The following SLIT3 variants were observed in gnomAD, a reference collection of about 807,000 sequenced individuals.
SLIT3 encodes slit homolog 3 protein.
A neutral mutation model predicts 184.0 loss-of-function variants in SLIT3; 68 were observed. The observed-to-expected ratio is 0.37, with a 90% CI of 0.30 to 0.45. SLIT3 has a LOEUF of 0.45. Ranked by LOEUF, SLIT3 falls within the 20% of genes least tolerant of loss-of-function variation. The pLI is 1.00. For missense variants in SLIT3, 1,707 were observed against 2,026.0 expected, an observed-to-expected ratio of 0.84 and a Z score of 3.02; for synonymous variants, 831 against 828.6, an observed-to-expected ratio of 1.00 and a Z score of -0.05.
chr5:169,038,776 T>TA (rs200571941), intron 4 of SLIT3, among the ~76,000 whole-genome samples: 1 of 151,962 alleles, frequency 6.6e-6, no homozygotes, highest in African/African-American at 2.4e-5. Flanking sequence ...GGCACCACAT[T>TA]GTTCAGTGGT....
At chr5:169,282,022 C>T (rs1767014386) in intron 1 of SLIT3, among the ~76,000 whole-genome samples, 2 of 152,146 alleles carry the variant, frequency 1.3e-5, no homozygotes, top group Non-Finnish European at 2.9e-5. Flanking sequence ...AATATCCAAC[C>T]CAACATGTCA....
At chr5:169,012,873 G>A (rs1235780655) in intron 4 of SLIT3, 1 of 152,228 alleles carries the variant, frequency 6.6e-6, no homozygotes, top group African/African-American at 2.4e-5. Context: ...CCTACTCACG[G>A]AGGAGCCTGG....
At chr5:169,139,582 GC>G (rs1406414894) in intron 4 of SLIT3, among the ~76,000 whole-genome samples, 2 of 152,126 alleles carry the variant, frequency 1.3e-5, no homozygotes, top group Non-Finnish European at 2.9e-5. Context: ...TCCAGCACTA[GC>G]CCACCCCCCC....
At chr5:169,192,994 A>G (rs1360703349) in intron 4 of SLIT3, among the ~76,000 whole-genome samples, 1 of 152,206 alleles carries the variant, frequency 6.6e-6, no homozygotes, top group African/African-American at 2.4e-5. Context: ...CCACAAAATC[A>G]TAAACCCCCA....
intron 1 of SLIT3, among the ~76,000 whole-genome samples, chr5:169,256,651 C>T (rs1383369391): frequency 6.6e-6 from 1 of 152,154 alleles, no homozygotes; most frequent in Non-Finnish European, 1.5e-5. Context: ...GAGAAAGCCA[C>T]CTTCTGAATA....
intron 1 of SLIT3, among the ~76,000 whole-genome samples, chr5:169,261,050 A>G (rs1337581596): frequency 6.6e-6 from 1 of 152,246 alleles, no homozygotes; most frequent in African/African-American, 2.4e-5. Context: ...CTGTGTGCCA[A>G]TAAAACTTTA....
At chr5:168,751,922 G>A (rs1754730262) in intron 18 of SLIT3, among the ~76,000 whole-genome samples, 1 of 152,098 alleles carries the variant, frequency 6.6e-6, no homozygotes, top group Non-Finnish European at 1.5e-5. Context: ...TGCATTTTTA[G>A]TAGAGATGGG....
At chr5:168,672,627 T>C (rs1299877039) in intron 33 of SLIT3, among the ~76,000 whole-genome samples, 1 of 152,072 alleles carries the variant, frequency 6.6e-6, no homozygotes, top group East Asian at 1.9e-4. Flanking sequence ...AGGTGCTCAC[T>C]ACTGTGCCCA....
intron 1 of SLIT3, among the ~76,000 whole-genome samples, chr5:169,259,750 G>C (rs1002779143): frequency 1.2e-4 from 18 of 152,136 alleles, no homozygotes; most frequent in Non-Finnish European, 2.2e-4. Flanking sequence ...ATGACCTATG[G>C]AGTCCTGTCA....
chr5:168,678,971 G>A (rs1034512643), intron 32 of SLIT3, among the ~76,000 whole-genome samples: 2 of 152,184 alleles, frequency 1.3e-5, no homozygotes, highest in African/African-American at 2.4e-5. Context: ...GAGAGCTCTG[G>A]AGTTGTCAGG....
intron 4 of SLIT3, among the ~76,000 whole-genome samples, chr5:168,983,474 G>T (rs1001962086): frequency 6.6e-6 from 1 of 152,210 alleles, no homozygotes; most frequent in Non-Finnish European, 1.5e-5. Context: ...GGACTTTGAT[G>T]TCTGGTTTCT....
chr5:169,120,330 C>T (rs1760832762), intron 4 of SLIT3: 1 of 152,142 alleles, frequency 6.6e-6, no homozygotes, highest in African/African-American at 2.4e-5. Context: ...TGATTTCTGT[C>T]TAGTGCCATC....
intron 4 of SLIT3, among the ~76,000 whole-genome samples, chr5:168,968,995 G>A (rs1430336099): frequency 6.6e-6 from 1 of 152,178 alleles, no homozygotes; most frequent in African/African-American, 2.4e-5. Context: ...GATAGGTGCA[G>A]TTTCCTCCAA....
chr5:169,239,030 T>C (rs1017548397), intron 3 of SLIT3, among the ~76,000 whole-genome samples: 5 of 152,158 alleles, frequency 3.3e-5, no homozygotes, highest in African/African-American at 7.2e-5. Context: ...CACAACAGTC[T>C]TGAAACCATC....
intron 2 of SLIT3, among the ~76,000 whole-genome samples, chr5:169,249,007 A>T (rs757072278): frequency 1.3e-5 from 2 of 152,206 alleles, no homozygotes; most frequent in African/African-American, 2.4e-5. Flanking sequence ...AGACTACTGA[A>T]TCTTTTCTAG....
chr5:169,022,567 T>G (rs1756642547), intron 4 of SLIT3, among the ~76,000 whole-genome samples: 1 of 152,230 alleles, frequency 6.6e-6, no homozygotes, highest in African/African-American at 2.4e-5. Context: ...GTATTTCCTA[T>G]GTTTGCCTTG....
intron 4 of SLIT3, among the ~76,000 whole-genome samples, chr5:169,146,684 T>G (rs1323425803): frequency 6.6e-6 from 1 of 152,158 alleles, no homozygotes; most frequent in Non-Finnish European, 1.5e-5. Flanking sequence ...ACACCCCCAG[T>G]TGACACCTGT....
intron 3 of SLIT3, among the ~76,000 whole-genome samples, chr5:169,217,359 G>T (rs6867453): frequency 0.49 from 74,366 of 151,844 alleles, 18,615 homozygotes; most frequent in African/African-American, 0.55. Flanking sequence ...GGAAAATATA[G>T]AGCAAATTAT....
chr5:168,724,481 G>A lies in SLIT3; in HGVS notation c.2274C>T (p.Tyr758=). The A allele has an allele frequency of 6.2e-7, 1 of 1,612,528 alleles. No individual in the cohort carries two copies. The highest frequency in any genetic ancestry group is 2.2e-5 in the East Asian group (1 of 44,858). The change falls in exon 21 of 36, where the codon TAC becomes TAT. Residue 758 remains tyrosine, a synonymous_variant. Transcript: ENST00000519560. ...CGGCTGTTAGGTGGTTTCCTTCCAG[G>A]TACCTGAAAGAGGTGTGGAGAGACA... is the stretch of plus-strand genomic sequence containing the variant. ...RGMPKDVTEL[Y]LEGNHLTAVP... is the part of the protein sequence containing the mutation.
Sources: gnomAD v4.1 joint callset for allele counts (sites outside exome capture counted in the v4.1 genomes callset) on GRCh38, gnomAD v4.1.1 for gene constraint, MANE v1.5 for transcripts, NCBI Gene and HGNC (gene_info 2026-07-23, HGNC 2026-07-21) for gene names.